The following FRMD4A variants were observed in gnomAD, a reference collection of about 807,000 sequenced individuals.
The protein encoded by FRMD4A is FERM domain-containing protein 4A.
In FRMD4A, 29 loss-of-function variants were observed where a neutral mutation model predicts 129.1. That is an observed-to-expected ratio of 0.22 (90% CI 0.17 to 0.31). The LOEUF (loss-of-function observed/expected upper bound fraction) is 0.31. Among genes scored for constraint, FRMD4A ranks in the 10% least tolerant of loss-of-function variants. The pLI is 1.00. For synonymous variants in FRMD4A, 634 were observed against 571.6 expected, an observed-to-expected ratio of 1.11 and a Z score of -1.56; for missense variants, 1,272 against 1,375.8, an observed-to-expected ratio of 0.92 and a Z score of 1.19.
At chr10:13,685,425 C>A (rs775566535) in intron 15 of FRMD4A, 162 of 985,020 alleles carry the variant, frequency 1.6e-4, no homozygotes, top group Non-Finnish European at 1.8e-4. Context: ...CAGTAAAATA[C>A]CCAGCTGAAA....
chr10:13,934,093 G>C (rs960203560), intron 2 of FRMD4A, among the ~76,000 whole-genome samples: 1 of 152,156 alleles, frequency 6.6e-6, no homozygotes, highest in African/African-American at 2.4e-5. Context: ...AAGCACCCTG[G>C]AAAAAATATA....
chr10:13,722,848 CTGGTTAGGTAGGTCCCTATGT>C (rs1378092233), intron 12 of FRMD4A, among the ~76,000 whole-genome samples: 1 of 152,138 alleles, frequency 6.6e-6, no homozygotes, highest in Non-Finnish European at 1.5e-5. Flanking sequence ...GGTCACCATG[CTGGTTAGGTAGGTCCCTATGT>C]TGGTTAGCTA....
intron 17 of FRMD4A, among the ~76,000 whole-genome samples, 174 bp from the exon 18 acceptor site, chr10:13,666,499 C>T (rs2083048057): frequency 1.3e-5 from 2 of 152,278 alleles, no homozygotes; most frequent in South Asian, 4.1e-4. Flanking sequence ...CTGTTGTAAC[C>T]CTTGCTCCTG....
In FRMD4A at chr10:14,135,203, C is replaced by T. The variant is rs141872688; in HGVS notation, c.45+194855G>A. Among the ~76,000 whole-genome samples, 12 of 152,314 alleles carry T rather than the reference C, an allele frequency of 7.9e-5. No individual in the cohort carries two copies. The East Asian group carries it at 2.1e-3, about 27-fold the overall frequency. On this transcript the variant is annotated intron_variant, in intron 2 of 24. Coordinates refer to ENST00000357447, the MANE Select transcript of FRMD4A (RefSeq NM_018027.5). ...ATATGGCCTGAGAAAGAACTCCATA[C>T]TTCTATATTTGAGTCCTTGTGGATG...
chr10:13,965,037 T>C (rs550210683), intron 2 of FRMD4A, among the ~76,000 whole-genome samples: 2 of 150,344 alleles, frequency 1.3e-5, no homozygotes, highest in African/African-American at 4.9e-5. Context: ...CCTCTTTTGC[T>C]CAGGTAACAT....
chr10:14,119,708 A>C (rs1838394276), intron 2 of FRMD4A, among the ~76,000 whole-genome samples: 1 of 152,300 alleles, frequency 6.6e-6, no homozygotes, highest in African/African-American at 2.4e-5. Flanking sequence ...CCTAATTATG[A>C]AAGACAAAAC....
At chr10:13,697,872 C>T (rs1203575722) in intron 14 of FRMD4A, among the ~76,000 whole-genome samples, 1 of 152,232 alleles carries the variant, frequency 6.6e-6, no homozygotes, top group Non-Finnish European at 1.5e-5. Flanking sequence ...TGCAAAGTCT[C>T]TAAGACGTTC....
intron 2 of FRMD4A, among the ~76,000 whole-genome samples, chr10:13,980,900 T>C (rs1469955498): frequency 6.6e-6 from 1 of 152,196 alleles, no homozygotes; most frequent in Non-Finnish European, 1.5e-5. Context: ...GGAGATTGGA[T>C]TAGTCAATGA....
chr10:13,849,408 C>T (rs61833449), intron 3 of FRMD4A, among the ~76,000 whole-genome samples: 43,034 of 151,844 alleles, frequency 0.28, 6,464 homozygotes, highest in Non-Finnish European at 0.34. Flanking sequence ...ACGGAATCAA[C>T]TCCATATTCT....
rs748834052 is a variant in FRMD4A, at chr10:13,796,512, A to G, written c.283T>C (p.Leu95=). Residue 95 remains leucine (L), a synonymous_variant, in exon 5 of 25, where the codon TTA becomes CTA. Transcript: ENST00000357447. The part of the protein sequence containing the change: ...DFPKKSGPVV[L]YFCVRFYIES... Reference sequence around the variant, plus strand: ...TGTACATACCTGACACAAAAGTATAAAACCACGGGTCCTGACTTTTTAGGG... The same window carrying G: ...TGTACATACCTGACACAAAAGTATAGAACCACGGGTCCTGACTTTTTAGGG... 1.0e-5 allele frequency: 16 copies of G among 1,574,850 alleles called. No individual in the cohort carries two copies. Among genetic ancestry groups the G allele is most frequent in the Non-Finnish European group, 1.2e-5 (14 of 1,144,106 alleles).
intron 2 of FRMD4A, among the ~76,000 whole-genome samples, chr10:14,172,150 C>T (rs535736957): frequency 6.6e-6 from 1 of 152,056 alleles, no homozygotes; most frequent in East Asian, 1.9e-4. Context: ...TATCCATTTC[C>T]AGCATTAGAA....
intron 4 of FRMD4A, among the ~76,000 whole-genome samples, chr10:13,809,311 T>C (rs1020697744): frequency 6.6e-6 from 1 of 152,196 alleles, no homozygotes; most frequent in East Asian, 1.9e-4. Context: ...AGGCCTCCTC[T>C]AGAGTTCACG....
At chr10:13,912,419 G>A (rs1054990233) in intron 2 of FRMD4A, among the ~76,000 whole-genome samples, 2 of 151,718 alleles carry the variant, frequency 1.3e-5, no homozygotes, top group African/African-American at 2.4e-5. Flanking sequence ...GCACATGAAT[G>A]TTCATAGTGA....
intron 2 of FRMD4A, among the ~76,000 whole-genome samples, chr10:14,111,690 C>A (rs938739822): frequency 6.6e-6 from 1 of 151,840 alleles, no homozygotes; most frequent in Non-Finnish European, 1.5e-5. Flanking sequence ...ACGTCATGTA[C>A]CAAAAAGAAT....
chr10:13,985,961 TCCCCAG>T (rs1471354941), intron 2 of FRMD4A, among the ~76,000 whole-genome samples: 1 of 152,140 alleles, frequency 6.6e-6, no homozygotes, highest in African/African-American at 2.4e-5. Flanking sequence ...ACGAAGCCCC[TCCCCAG>T]CCCCACTGTC....
Position 13,659,544 on chromosome 10 carries a change from G to C in FRMD4A, c.1899-54C>G. The C allele has an allele frequency of 3.2e-6, 5 of 1,551,502 alleles. No homozygotes were observed. The South Asian group carries it at 4.7e-5, about 15-fold the overall frequency. ...CCGCCAGACAGACAGCACCTTTCCT[G>C]GGGGGCTGGCTAGTTCAGGACAATG... On this transcript the variant is annotated intron_variant, in intron 20 of 24. Coordinates refer to ENST00000357447, the MANE Select transcript of FRMD4A (RefSeq NM_018027.5).
chr10:13,678,880 C>G (rs1359128525), intron 15 of FRMD4A, among the ~76,000 whole-genome samples: 2 of 152,094 alleles, frequency 1.3e-5, no homozygotes, highest in Non-Finnish European at 2.9e-5. Context: ...ATCCATTATC[C>G]AAACATTGAT....
At chr10:13,957,043 G>C (rs1184037622) in intron 2 of FRMD4A, among the ~76,000 whole-genome samples, 1 of 152,200 alleles carries the variant, frequency 6.6e-6, no homozygotes, top group African/African-American at 2.4e-5. Context: ...GGCTTAGAAA[G>C]TCGTGAAAGG....
chr10:14,128,702 C>T (rs950162966), intron 2 of FRMD4A, among the ~76,000 whole-genome samples: 5 of 152,188 alleles, frequency 3.3e-5, no homozygotes, highest in South Asian at 2.1e-4. Flanking sequence ...AGAAAATGCA[C>T]GTGGTAACAT....
Sources: gnomAD v4.1 joint callset for allele counts (sites outside exome capture counted in the v4.1 genomes callset) on GRCh38, gnomAD v4.1.1 for gene constraint, MANE v1.5 for transcripts, NCBI Gene and HGNC (gene_info 2026-07-23, HGNC 2026-07-21) for gene names.